Variants in MB21D2 observed in about 807,000 individuals in gnomAD.
MB21D2 encodes Mab-21 domain containing 2.
In MB21D2, 9 loss-of-function variants were observed where a neutral mutation model predicts 33.3. That is an observed-to-expected ratio of 0.27 (90% confidence interval 0.16 to 0.47). MB21D2 has a LOEUF of 0.47. Among genes scored for constraint, MB21D2 ranks in the 20% least tolerant of loss-of-function variants. The pLI is 0.99. For synonymous variants in MB21D2, 241 were observed against 236.3 expected, an observed-to-expected ratio of 1.02 and a Z score of -0.18; for missense variants, 540 against 624.6, an observed-to-expected ratio of 0.86 and a Z score of 1.44.
intron 1 of MB21D2, among the ~76,000 whole-genome samples, chr3:192,877,423 T>C (rs1392094564): frequency 6.6e-6 from 1 of 152,138 alleles, no homozygotes; most frequent in Non-Finnish European, 1.5e-5. Context: ...CATTTCAAAC[T>C]AGTTACCCTT....
chr3:192,872,804 C>A (rs1026376368), intron 1 of MB21D2, among the ~76,000 whole-genome samples: 2 of 152,004 alleles, frequency 1.3e-5, no homozygotes, highest in African/African-American at 4.8e-5. Flanking sequence ...GCAGTGAGGT[C>A]CCCACCCTAT....
At chr3:192,829,967 G>T (rs1712276998) in intron 1 of MB21D2, among the ~76,000 whole-genome samples, 1 of 152,106 alleles carries the variant, frequency 6.6e-6, no homozygotes, top group African/African-American at 2.4e-5. Context: ...GGTTCAAGGG[G>T]TCTTCCTGCT....
At chr3:192,818,912 G>C (rs1711983873) in intron 1 of MB21D2, among the ~76,000 whole-genome samples, 1 of 152,104 alleles carries the variant, frequency 6.6e-6, no homozygotes, top group Non-Finnish European at 1.5e-5. Flanking sequence ...TGATGACAAG[G>C]TCCCTCAATA....
intron 1 of MB21D2, among the ~76,000 whole-genome samples, chr3:192,894,195 C>G (rs567976578): frequency 6.6e-6 from 1 of 152,110 alleles, no homozygotes; most frequent in African/African-American, 2.4e-5. Flanking sequence ...GTGGCGCAAT[C>G]TGGACTCAAA....
chr3:192,911,722 C>CTTCTCTCTTCT (rs1714362180), intron 1 of MB21D2, among the ~76,000 whole-genome samples: 1 of 152,146 alleles, frequency 6.6e-6, no homozygotes, highest in Admixed American at 6.5e-5. Context: ...CAGTTCTAGG[C>CTTCTCTCTTCT]CTCTTCTCTC....
chr3:192,916,957 TC>T (rs1714480363), intron 1 of MB21D2, among the ~76,000 whole-genome samples: 2 of 152,258 alleles, frequency 1.3e-5, no homozygotes, highest in South Asian at 2.1e-4. Context: ...AATTCCGAGC[TC>T]AGCGAGAGCC....
intron 1 of MB21D2, among the ~76,000 whole-genome samples, chr3:192,845,060 G>C (rs929157708): frequency 2.6e-5 from 4 of 152,176 alleles, no homozygotes; most frequent in African/African-American, 9.7e-5. Flanking sequence ...AGATTTGGCT[G>C]CTAAGTACAT....
intron 1 of MB21D2, among the ~76,000 whole-genome samples, chr3:192,852,017 T>C (rs975641097): frequency 6.6e-6 from 1 of 152,182 alleles, no homozygotes; most frequent in Non-Finnish European, 1.5e-5. Context: ...ATTGGCAAAC[T>C]TGGGCAAAGT....
intron 1 of MB21D2, among the ~76,000 whole-genome samples, chr3:192,835,975 C>T (rs746095884): frequency 1.3e-5 from 2 of 152,070 alleles, no homozygotes; most frequent in Non-Finnish European, 2.9e-5. Flanking sequence ...AAAAAAAGTC[C>T]CACCACTTCT....
At chr3:192,861,885 T>A (rs1308918409) in intron 1 of MB21D2, among the ~76,000 whole-genome samples, 1 of 152,126 alleles carries the variant, frequency 6.6e-6, no homozygotes, top group African/African-American at 2.4e-5. Flanking sequence ...CAAAATCCAT[T>A]ATCATGCAAG....
intron 1 of MB21D2, among the ~76,000 whole-genome samples, chr3:192,855,043 T>A (rs370808038): frequency 6.6e-6 from 1 of 152,236 alleles, no homozygotes; most frequent in Non-Finnish European, 1.5e-5. Flanking sequence ...CATGTACCAA[T>A]GAGTAATTGT....
chr3:192,872,155 C>G (rs991774874), intron 1 of MB21D2, among the ~76,000 whole-genome samples: 1 of 152,160 alleles, frequency 6.6e-6, no homozygotes, highest in African/African-American at 2.4e-5. Context: ...AAAACCCCAC[C>G]TGTTTCTAAA....
intron 1 of MB21D2, among the ~76,000 whole-genome samples, chr3:192,874,547 T>A (rs928722477): frequency 5.9e-5 from 9 of 152,222 alleles, no homozygotes; most frequent in Admixed American, 5.9e-4. Flanking sequence ...TTATCCTGTA[T>A]GTATAGTTGC....
intron 1 of MB21D2, among the ~76,000 whole-genome samples, chr3:192,814,637 C>T (rs1287629379): frequency 2.0e-5 from 3 of 151,978 alleles, no homozygotes; most frequent in Admixed American, 6.6e-5. Context: ...CCAAGGTGGG[C>T]AGATCACGAG....
chr3:192,815,055 C>T (rs547799519), intron 1 of MB21D2, among the ~76,000 whole-genome samples: 2 of 152,118 alleles, frequency 1.3e-5, no homozygotes, highest in African/African-American at 4.8e-5. Context: ...ATGATGGCTA[C>T]TAAGGGAGAA....
At chr3:192,904,025 T>C (rs1019266809) in intron 1 of MB21D2, among the ~76,000 whole-genome samples, 1 of 152,330 alleles carries the variant, frequency 6.6e-6, no homozygotes, top group South Asian at 2.1e-4. Flanking sequence ...GGGATGTCTT[T>C]ACAGCAATGC....
intron 1 of MB21D2, among the ~76,000 whole-genome samples, chr3:192,829,237 T>C (rs1044896048): frequency 6.6e-6 from 1 of 152,218 alleles, no homozygotes; most frequent in African/African-American, 2.4e-5. Flanking sequence ...GATTCATCAA[T>C]AGCTTGCTTC....
Position 192,828,593 on chromosome 3 carries a change from TATATATATATATATATATA to T in MB21D2, c.212-28962_212-28944del, listed in dbSNP as rs1560232794. Among the ~76,000 whole-genome samples the T allele has an allele frequency of 6.0e-3, 82 of 13,698 alleles. 5 individuals are homozygous for T. The highest frequency in any genetic ancestry group is 0.038 in the Middle Eastern group (1 of 26). The allele number at this position is 13,698 out of a possible 152,430, so 9.0% of individuals were successfully genotyped here. A position where few individuals can be genotyped will look rare whatever the true frequency, so the allele number is the denominator to read the frequency against. On this transcript the variant is annotated intron_variant, in intron 1 of 1. Transcript: ENST00000392452. ...TATACAATAAAACTCACCCCCCCCA[TATATATATATATATATATA>T]TATATATATATATATATATATATAT...
chr3:192,882,859 C>T (rs1047196930), intron 1 of MB21D2, among the ~76,000 whole-genome samples: 2 of 151,952 alleles, frequency 1.3e-5, no homozygotes, highest in South Asian at 2.1e-4. Flanking sequence ...CTCAGCCTCC[C>T]GAGTAGCTGG....
Sources: allele counts gnomAD v4.1 joint callset (sites outside exome capture counted in the v4.1 genomes callset), GRCh38; gene constraint gnomAD v4.1.1; transcripts MANE v1.5; gene names NCBI Gene and HGNC (gene_info 2026-07-23, HGNC 2026-07-21).